JARID2: variants seen among roughly 807,000 people sequenced by gnomAD.
JARID2 encodes the protein jumonji and AT-rich interaction domain containing 2, also known as protein Jumonji.
In JARID2, 21 loss-of-function variants were observed where a neutral mutation model predicts 125.6. That is an observed-to-expected ratio of 0.17 (90% CI 0.12 to 0.24). JARID2 has a LOEUF of 0.24. Among genes scored for constraint, JARID2 ranks in the 10% least tolerant of loss-of-function variants. The pLI is 1.00. For missense variants in JARID2, 1,303 were observed against 1,639.6 expected (o/e 0.79, Z 3.55); for synonymous variants, 736 against 661.6 (o/e 1.11, Z -1.73).
intron 1 of JARID2, among the ~76,000 whole-genome samples, chr6:15,337,720 C>G (rs1762926771): frequency 6.6e-6 from 1 of 150,986 alleles, no homozygotes. Context: ...TCTTTTTTTC[C>G]TTTTCTGAGT....
chr6:15,491,398 T>TC (rs1770143896), intron 6 of JARID2, among the ~76,000 whole-genome samples: 2 of 152,360 alleles, frequency 1.3e-5, no homozygotes, highest in South Asian at 4.1e-4. Flanking sequence ...AGGCTGCTCC[T>TC]CCCCTTCCAT....
intron 2 of JARID2, among the ~76,000 whole-genome samples, chr6:15,385,793 C>A (rs1460248827): frequency 2.6e-5 from 4 of 152,148 alleles, no homozygotes; most frequent in African/African-American, 9.7e-5. Context: ...GACTGAGAGT[C>A]TGCCAACTGG....
At position 15,285,061 on chromosome 6, in the gene JARID2, C is replaced by T. The variant is rs575855674; in HGVS notation, c.45+38477C>T. The stretch of plus-strand genomic sequence containing the variant: ...TAACTGCTTTGAAAACATTTCAGAA[C>T]AATTGCATTGAATTGAACTTTTGCA... On this transcript the variant is annotated intron_variant, in intron 1 of 17. Transcript: ENST00000341776. 1.6e-4 allele frequency among the ~76,000 whole-genome samples: 24 copies of T among 148,486 alleles called. No individual in the cohort carries two copies. The East Asian group carries it at 4.1e-3, about 26-fold the overall frequency.
At chr6:15,373,708 C>G (rs1764251730) in intron 1 of JARID2, among the ~76,000 whole-genome samples, 2 of 152,194 alleles carry the variant, frequency 1.3e-5, no homozygotes, top group Non-Finnish European at 2.9e-5. Context: ...GAGCTCCGTA[C>G]ATATTTCTGT....
chr6:15,257,933 A>G (rs148378918), intron 1 of JARID2, among the ~76,000 whole-genome samples: 3 of 152,362 alleles, frequency 2.0e-5, no homozygotes, highest in Non-Finnish European at 4.4e-5. Flanking sequence ...ACAATGTGTT[A>G]TTAGTCAGAA....
At chr6:15,409,991 T>TC (rs1393776096) in intron 2 of JARID2, among the ~76,000 whole-genome samples, 1 of 152,240 alleles carries the variant, frequency 6.6e-6, no homozygotes, top group Non-Finnish European at 1.5e-5. Flanking sequence ...AAATTTCTGC[T>TC]CAAATTTCTT....
chr6:15,397,899 C>A lies in JARID2; in HGVS notation c.182-12325C>A, dbSNP rs572462991. ...AATAAACTAGAAGCGCCTTAGATGCCCTTGGACATGAGAATCATGGTGGAA... is the reference window on the plus strand; with the variant it reads ...AATAAACTAGAAGCGCCTTAGATGCACTTGGACATGAGAATCATGGTGGAA... On this transcript the variant is annotated intron_variant, in intron 2 of 17. Transcript: ENST00000341776. Among the ~76,000 whole-genome samples, 21 of 152,184 alleles carry A rather than the reference C, an allele frequency of 1.4e-4. No homozygotes were observed. In the East Asian group the frequency reaches 2.9e-3, roughly 21 times the overall value.
intron 1 of JARID2, among the ~76,000 whole-genome samples, chr6:15,334,698 C>A (rs1412143043): frequency 2.0e-5 from 3 of 152,152 alleles, no homozygotes; most frequent in Non-Finnish European, 4.4e-5. Flanking sequence ...TTTGTTTCTT[C>A]AATACTGTAA....
At chr6:15,474,375 G>A (rs1249146744) in intron 5 of JARID2, among the ~76,000 whole-genome samples, 2 of 151,654 alleles carry the variant, frequency 1.3e-5, no homozygotes, top group East Asian at 3.9e-4. Flanking sequence ...TGCTCAATAT[G>A]CATATTTGTT....
At chr6:15,444,468 G>C (rs968613683) in intron 3 of JARID2, among the ~76,000 whole-genome samples, 1 of 152,154 alleles carries the variant, frequency 6.6e-6, no homozygotes, top group African/African-American at 2.4e-5. Context: ...TGGGTAGAGG[G>C]TATCCCTTGC....
At chr6:15,407,990 G>T (rs1457728267) in intron 2 of JARID2, among the ~76,000 whole-genome samples, 1 of 152,152 alleles carries the variant, frequency 6.6e-6, no homozygotes, top group Admixed American at 6.5e-5. Context: ...CAGGTCAGGT[G>T]CAGTAACTCA....
intron 1 of JARID2, among the ~76,000 whole-genome samples, chr6:15,338,896 G>A (rs1189215703): frequency 1.3e-5 from 2 of 152,186 alleles, no homozygotes; most frequent in African/African-American, 4.8e-5. Flanking sequence ...GATATATAGA[G>A]GCTTTTCAGA....
At chr6:15,298,350 G>C (rs1761485838) in intron 1 of JARID2, among the ~76,000 whole-genome samples, 1 of 152,000 alleles carries the variant, frequency 6.6e-6, no homozygotes, top group Non-Finnish European at 1.5e-5. Context: ...GTTCTGATAA[G>C]GTTCCCAAGA....
chr6:15,319,995 G>T (rs1762301038), intron 1 of JARID2, among the ~76,000 whole-genome samples: 1 of 152,186 alleles, frequency 6.6e-6, no homozygotes, highest in Non-Finnish European at 1.5e-5. Flanking sequence ...GCTTGTTAGG[G>T]AGTGTATCTA....
intron 2 of JARID2, among the ~76,000 whole-genome samples, chr6:15,394,246 G>A (rs139301313): frequency 3.9e-5 from 6 of 152,236 alleles, no homozygotes; most frequent in East Asian, 3.9e-4. Flanking sequence ...TCAGGCTTAC[G>A]CAGCCCTGGA....
intron 3 of JARID2, among the ~76,000 whole-genome samples, chr6:15,428,436 A>G (rs868753471): frequency 1.1e-4 from 16 of 151,974 alleles, no homozygotes; most frequent in Non-Finnish European, 1.5e-5. Context: ...CCACCCCACA[A>G]CAGGCCCTGG....
In JARID2 at chr6:15,314,695, GA is replaced by G. The variant is rs1200676132; in HGVS notation, c.46-59421del. 5.9e-5 allele frequency among the ~76,000 whole-genome samples: 9 copies of G among 152,316 alleles called. 1 individual carries two copies. Among genetic ancestry groups the G allele is most frequent in the African/African-American group, 2.2e-4 (9 of 41,572 alleles). On this transcript the variant is annotated intron_variant, in intron 1 of 17. Transcript: ENST00000341776. ...AAACTTGCCTTGGAACAGTGTCACA[GA>G]CAATCCATGGTACATAGATGCCAGA...
intron 5 of JARID2, among the ~76,000 whole-genome samples, chr6:15,475,773 T>C (rs1769312985): frequency 6.6e-6 from 1 of 152,246 alleles, no homozygotes; most frequent in South Asian, 2.1e-4. Context: ...TCTTCCCTCC[T>C]CACACCTCAG....
rs115672823 is a variant in JARID2 at position 15,514,315 on chromosome 6, C to G, written c.3450+893C>G. ...CTTAGCCTGGAACAGAGAGCATGCC[C>G]GAAGGGCCTGACCTGCCTCCCCGGG... On this transcript the variant is annotated intron_variant, in intron 16 of 17. Transcript: ENST00000341776. Among the ~76,000 whole-genome samples, 893 of 152,356 alleles carry G rather than the reference C, an allele frequency of 5.9e-3. 7 individuals are homozygous for G. The highest frequency in any genetic ancestry group is 0.02 in the African/African-American group (835 of 41,580).
Sources: allele counts gnomAD v4.1 joint callset (sites outside exome capture counted in the v4.1 genomes callset), GRCh38; gene constraint gnomAD v4.1.1; transcripts MANE v1.5; gene names NCBI Gene and HGNC (gene_info 2026-07-23, HGNC 2026-07-21).